B3GAT1: variants seen among roughly 807,000 people sequenced by gnomAD.
B3GAT1 encodes the protein beta-1,3-glucuronyltransferase 1, also known as galactosylgalactosylxylosylprotein 3-beta-glucuronosyltransferase 1.
A neutral mutation model predicts 28.4 loss-of-function variants in B3GAT1; 11 were observed. The observed-to-expected ratio is 0.39, with a 90% confidence interval of 0.24 to 0.64. B3GAT1 has a LOEUF of 0.64. B3GAT1 is among the 30% of genes least tolerant of loss of function. The pLI is 0.50. For missense variants in B3GAT1, 375 were observed against 491.0 expected (o/e 0.76, Z 2.23); for synonymous variants, 255 against 223.1 (o/e 1.14, Z -1.27).
intron 1 of B3GAT1, among the ~76,000 whole-genome samples, chr11:134,401,066 G>A (rs1237757918): frequency 6.6e-6 from 1 of 152,176 alleles, no homozygotes; most frequent in African/African-American, 2.4e-5. Flanking sequence ...AGTCCGAATG[G>A]CTATTACTAA....
At position 134,412,191 on chromosome 11, in the gene B3GAT1, C is replaced by G. The variant is rs1944876102; in HGVS notation, c.-666G>C. Among the ~76,000 whole-genome samples the G allele has an allele frequency of 6.9e-6, 1 of 144,718 alleles. No homozygotes were observed. Among genetic ancestry groups the G allele is most frequent in the Admixed American group, 6.8e-5 (1 of 14,680 alleles). 94.9% of individuals were successfully genotyped at this position (144,718 alleles called of 152,430 possible). On this transcript the variant is annotated 5_prime_UTR_variant, in exon 1 of 6. Coordinates refer to ENST00000312527, the MANE Select transcript of B3GAT1 (RefSeq NM_054025.3). ...GCGGCCGGAGCCGAGCCGACCGGGC[C>G]GGCGCAGAGTCCCCGAGGTGGCGGC...
rs771584558 is a variant in B3GAT1 at position 134,387,878 on chromosome 11, A to G, written c.-219T>C. 2.9e-5 allele frequency: 44 copies of G among 1,515,516 alleles called. No homozygotes were observed. In the African/African-American group the frequency reaches 5.4e-4, roughly 18 times the overall value. The allele number at this position is 1,515,516 out of a possible 1,614,324, so 93.9% of individuals were successfully genotyped here. A position where few individuals can be genotyped will look rare whatever the true frequency, so the allele number is the denominator to read the frequency against. On this transcript the variant is annotated 5_prime_UTR_variant, in exon 2 of 6. Transcript: ENST00000312527. ...AAGCAGGTTTGGAGAGTCCGGCCCA[A>G]CTGGAGTCTGAGAAGGGGTCGCTGT...
intron 5 of B3GAT1, among the ~76,000 whole-genome samples, chr11:134,381,036 G>A (rs1944110324): frequency 6.6e-6 from 1 of 152,168 alleles, no homozygotes; most frequent in Non-Finnish European, 1.5e-5. Flanking sequence ...TTAGCTCCAG[G>A]GCAAGAGGAC....
At chr11:134,387,441 T>G in intron 2 of B3GAT1, 107 bp downstream of exon 2, 2 of 1,443,142 alleles carry the variant, frequency 1.4e-6, no homozygotes, top group Non-Finnish European at 9.4e-7. Flanking sequence ...GATCCCGTGG[T>G]TCCTCCTAGC....
Position 134,391,698 on chromosome 11 carries a change from C to T in B3GAT1, c.-281-3758G>A, listed in dbSNP as rs140699902. The T allele has an allele frequency of 5.3e-3, 814 of 152,746 alleles. 6 individuals carry two copies. The highest frequency in any genetic ancestry group is 9.1e-3 in the Non-Finnish European group (620 of 68,380). The allele number at this position is 152,746 out of a possible 1,614,324, so 9.5% of individuals were successfully genotyped here. On this transcript the variant is annotated intron_variant, in intron 1 of 5. Transcript: ENST00000312527. ...GGGGACTTCGTGGAGAGGCAGGACG[C>T]GGCGTGGGCAGTGTGTGTGAGTGTA...
intron 1 of B3GAT1, among the ~76,000 whole-genome samples, chr11:134,407,388 T>A (rs562562011): frequency 3.9e-5 from 6 of 152,188 alleles, no homozygotes; most frequent in Non-Finnish European, 7.3e-5. Context: ...CGCCGTGCCG[T>A]CATGTCTCCA....
Position 134,379,422 on chromosome 11 carries a change from C to T in B3GAT1, c.*1340G>A, listed in dbSNP as rs1190571524. 6.6e-6 allele frequency: 1 copy of T among 152,460 alleles called. No individual in the cohort carries two copies. The highest frequency in any genetic ancestry group is 2.4e-5 in the African/African-American group (1 of 41,420). 9.4% of individuals were successfully genotyped at this position (152,460 alleles called of 1,614,324 possible). A position where few individuals can be genotyped will look rare whatever the true frequency, so the allele number is the denominator to read the frequency against. ...ATGAGCCGGATCACCACTAGAGAGC[C>T]CGGCTGGGCCAGGGGGTCAGAGCCC... On this transcript the variant is annotated 3_prime_UTR_variant, in exon 6 of 6. Transcript: ENST00000312527.
Position 134,383,948 on chromosome 11 carries a change from A to G in B3GAT1, c.353T>C (p.Leu118Pro). 6.3e-7 allele frequency: 1 copy of G among 1,599,052 alleles called. No homozygotes were observed. Among genetic ancestry groups the G allele is most frequent in the Non-Finnish European group, 8.5e-7 (1 of 1,177,514 alleles). Residue 118 changes from leucine (L) to proline (P), a missense_variant, in exon 3 of 6, where the codon CTG becomes CCG. Leu to Pro is a moderately conservative substitution (Grantham distance 98). Transcript: ENST00000312527. ...TLLHVPNLHW[L>P]VVEDAPRRTP... ...CCGGCGCGGCGCATCCTCCACCACCAGCCAGTGGAGGTTGGGCACGTGCAG... is the reference window on the plus strand; with the variant it reads ...CCGGCGCGGCGCATCCTCCACCACCGGCCAGTGGAGGTTGGGCACGTGCAG...
At chr11:134,381,207 C>A (rs1944114552) in intron 5 of B3GAT1, among the ~76,000 whole-genome samples, 1 of 152,210 alleles carries the variant, frequency 6.6e-6, no homozygotes, top group African/African-American at 2.4e-5. Context: ...CAGTGTGTCA[C>A]CTTGGAACAT....
At chr11:134,401,531 C>T (rs1235024294) in intron 1 of B3GAT1, among the ~76,000 whole-genome samples, 3 of 151,844 alleles carry the variant, frequency 2.0e-5, no homozygotes, top group African/African-American at 7.3e-5. Flanking sequence ...ACATTGGGTA[C>T]TCTTGGACAT....
chr11:134,388,503 T>C lies in B3GAT1; in HGVS notation c.-281-563A>G, dbSNP rs373083819. Reference sequence around the variant, plus strand: ...TCAACATTTTAGATTTGGGGGCACATGTGCAGGTTTGTTATGGGTCATATT... The same window carrying C: ...TCAACATTTTAGATTTGGGGGCACACGTGCAGGTTTGTTATGGGTCATATT... On this transcript the variant is annotated intron_variant, in intron 1 of 5. Transcript: ENST00000312527. The C allele has an allele frequency of 5.6e-4, 87 of 156,620 alleles. No individual in the cohort carries two copies. In the South Asian group the frequency reaches 0.017, roughly 30 times the overall value. The allele number at this position is 156,620 out of a possible 1,614,324, so 9.7% of individuals were successfully genotyped here.
chr11:134,410,579 C>T (rs1944833620), intron 1 of B3GAT1, among the ~76,000 whole-genome samples: 2 of 152,148 alleles, frequency 1.3e-5, no homozygotes, highest in Admixed American at 6.5e-5. Context: ...GATGTTTGGT[C>T]CAGTAAGGCC....
At position 134,380,159 on chromosome 11, in the gene B3GAT1, TA is replaced by T. The variant is rs1264802648; in HGVS notation, c.*602del. On this transcript the variant is annotated 3_prime_UTR_variant, in exon 6 of 6. Transcript: ENST00000312527. ...TGCCTGTTGGGATCCAAGACAGCCT[TA>T]TGCTCTGTAAACGTGAACCAGAGGA... 4 of 152,314 alleles carry T rather than the reference TA, an allele frequency of 2.6e-5. No homozygotes were observed. The highest frequency in any genetic ancestry group is 4.4e-5 in the Non-Finnish European group (3 of 68,110). The allele number at this position is 152,314 out of a possible 1,614,324, so 9.4% of individuals were successfully genotyped here. A position where few individuals can be genotyped will look rare whatever the true frequency, so the allele number is the denominator to read the frequency against.
intron 1 of B3GAT1, among the ~76,000 whole-genome samples, chr11:134,396,105 T>A (rs1469130567): frequency 6.6e-6 from 1 of 152,222 alleles, no homozygotes; most frequent in Non-Finnish European, 1.5e-5. Flanking sequence ...GCCAATCTGC[T>A]AGCAGATGGA....
At chr11:134,392,553 G>A (rs1011528602) in intron 1 of B3GAT1, among the ~76,000 whole-genome samples, 2 of 152,138 alleles carry the variant, frequency 1.3e-5, no homozygotes, top group African/African-American at 4.8e-5. Flanking sequence ...ATTCTTTTTT[G>A]TAGAGACAGG....
Position 134,387,468 on chromosome 11 carries a change from G to A in B3GAT1, c.112+80C>T, listed in dbSNP as rs190255069. ...CCTCCTAGCTGCTAAGTGAGTGCAA[G>A]CAAGAACCCTGCGTGTCAGCTGTGG... On this transcript the variant is annotated intron_variant, in intron 2 of 5. Coordinates refer to ENST00000312527, the MANE Select transcript of B3GAT1 (RefSeq NM_054025.3). 40 of 1,569,676 alleles carry A rather than the reference G, an allele frequency of 2.5e-5. No homozygotes were observed. In the African/African-American group the frequency reaches 4.4e-4, roughly 17 times the overall value.
rs190344217 is a variant in B3GAT1, at chr11:134,393,614, T to A, written c.-281-5674A>T. Among the ~76,000 whole-genome samples, 1 of 152,306 alleles carries A rather than the reference T, an allele frequency of 6.6e-6. No individual in the cohort carries two copies. Among genetic ancestry groups the A allele is most frequent in the East Asian group, 1.9e-4 (1 of 5,182 alleles). ...ATGAAATTTTCATAGAAACAACACA[T>A]TTACTTCAACACGCTATTTCAACAG... is the stretch of plus-strand genomic sequence containing the variant. On this transcript the variant is annotated intron_variant, in intron 1 of 5. Coordinates refer to ENST00000312527, the MANE Select transcript of B3GAT1 (RefSeq NM_054025.3). This position sits in a 1 kb window ranked among gnomAD's most constrained non-coding sequence, Gnocchi z 4.0.
intron 5 of B3GAT1, among the ~76,000 whole-genome samples, chr11:134,380,998 C>T (rs570189370): frequency 4.9e-4 from 75 of 152,258 alleles, no homozygotes; most frequent in Non-Finnish European, 9.0e-4. Flanking sequence ...TGGTCCTCTG[C>T]GGGCAAACAC....
At chr11:134,410,700 T>A (rs1944836942) in intron 1 of B3GAT1, among the ~76,000 whole-genome samples, 1 of 152,170 alleles carries the variant, frequency 6.6e-6, no homozygotes, top group Non-Finnish European at 1.5e-5. Flanking sequence ...TAGAAAACCC[T>A]AGAACAACAG....
Sources: allele counts gnomAD v4.1 joint callset (sites outside exome capture counted in the v4.1 genomes callset), GRCh38; gene constraint gnomAD v4.1.1; non-coding constraint Gnocchi (gnomAD v3.1); transcripts MANE v1.5; gene names NCBI Gene and HGNC (gene_info 2026-07-23, HGNC 2026-07-21).